The following ANKFN1 variants were observed in gnomAD, a reference collection of about 807,000 sequenced individuals.
ANKFN1 encodes the protein ankyrin repeat and fibronectin type III domain containing 1, also known as ankyrin repeat and fibronectin type-III domain-containing protein 1.
In ANKFN1, 74 loss-of-function variants were observed where a neutral mutation model predicts 108.7. The ratio of observed to expected loss-of-function variants is 0.68; its 90% CI spans 0.56 to 0.83. ANKFN1 has a LOEUF of 0.83. ANKFN1 is among the 40% of genes least tolerant of loss of function. The pLI is 0.00. For missense variants in ANKFN1, 1,505 were observed against 1,382.3 expected (o/e 1.09, Z -1.41); for synonymous variants, 547 against 516.2 (o/e 1.06, Z -0.81).
chr17:56,370,958 T>C (rs556048544), intron 6 of ANKFN1, among the ~76,000 whole-genome samples: 257 of 151,648 alleles, frequency 1.7e-3, no homozygotes, highest in African/African-American at 4.2e-3. Flanking sequence ...GTTTTTTTTT[T>C]CTCCAGAACC....
At chr17:56,248,721 G>A (rs995772477) in intron 3 of ANKFN1, among the ~76,000 whole-genome samples, 1 of 152,108 alleles carries the variant, frequency 6.6e-6, no homozygotes, top group Non-Finnish European at 1.5e-5. Context: ...TTGCTTCTAG[G>A]CTCTGAGAAT....
At chr17:56,095,198 CT>C (rs1367728526) in intron 4 of ANKFN1, among the ~76,000 whole-genome samples, 1 of 150,896 alleles carries the variant, frequency 6.6e-6, no homozygotes, top group African/African-American at 2.4e-5. Context: ...AAAAATAGGC[CT>C]TTTAAGAGCA....
intron 8 of ANKFN1, among the ~76,000 whole-genome samples, chr17:56,401,479 T>G (rs1274512052): frequency 3.3e-5 from 5 of 152,072 alleles, no homozygotes; most frequent in African/African-American, 1.2e-4. Context: ...GATTTGATTA[T>G]CTGCTTGGCT....
In ANKFN1 at chr17:56,188,579, GTGTATATATATATA is replaced by G. The variant is rs1252270038; in HGVS notation, c.-70-24017_-70-24004del. ...TGTGTGTGTATGTGTGTGTGTGTGT[GTGTATATATATATA>G]TATATATATATATATATATATATGA... On this transcript the variant is annotated intron_variant, in intron 1 of 20. Coordinates refer to ENST00000682825, the MANE Select transcript of ANKFN1 (RefSeq NM_001370326.1). Among the ~76,000 whole-genome samples the G allele has an allele frequency of 6.9e-4, 49 of 71,398 alleles. 1 individual carries two copies. Among genetic ancestry groups the G allele is most frequent in the African/African-American group, 3.5e-3 (47 of 13,260 alleles). The allele number at this position is 71,398 out of a possible 152,430, so 46.8% of individuals were successfully genotyped here. A position where few individuals can be genotyped will look rare whatever the true frequency, so the allele number is the denominator to read the frequency against.
At chr17:56,347,856 T>G (rs2046146988) in intron 4 of ANKFN1, among the ~76,000 whole-genome samples, 1 of 151,926 alleles carries the variant, frequency 6.6e-6, no homozygotes, top group Non-Finnish European at 1.5e-5. Context: ...TGTGGGTAGG[T>G]GTCATCAGTT....
chr17:56,076,400 T>C (rs571173938), intron 4 of ANKFN1, among the ~76,000 whole-genome samples: 69 of 152,360 alleles, frequency 4.5e-4, no homozygotes, highest in African/African-American at 1.5e-3. Context: ...AATCTGCTAG[T>C]TGAATTAATA....
intron 4 of ANKFN1, among the ~76,000 whole-genome samples, chr17:56,081,860 C>T (rs560160439): frequency 1.3e-5 from 2 of 152,250 alleles, no homozygotes; most frequent in Admixed American, 1.3e-4. Context: ...GTGGAATGCC[C>T]CTGGAAGGTC....
chr17:56,431,377 G>T (rs1025721554), intron 8 of ANKFN1, among the ~76,000 whole-genome samples: 1 of 152,164 alleles, frequency 6.6e-6, no homozygotes, highest in Non-Finnish European at 1.5e-5. Context: ...TTCATTAAAT[G>T]GTTTCTCCTC....
In ANKFN1 at chr17:56,350,879, C is replaced by T. The variant is rs755628674; in HGVS notation, c.302C>T (p.Ser101Phe). Reference sequence around the variant, plus strand: ...GCCAAACGCCTGTACAGGAACCTCTCTGAGAAACTGAAAGGGAGCCACTCT... The same window carrying T: ...GCCAAACGCCTGTACAGGAACCTCTTTGAGAAACTGAAAGGGAGCCACTCT... ...NAAKRLYRNL[S>F]EKLKGSHSSF... The change falls in exon 5 of 21, where the codon TCT (serine) becomes TTT (phenylalanine). Residue 101 changes from serine to phenylalanine, a missense_variant. Coordinates refer to ENST00000682825, the MANE Select transcript of ANKFN1 (RefSeq NM_001370326.1). The T allele has an allele frequency of 6.2e-7, 1 of 1,613,812 alleles. No individual in the cohort carries two copies. Among genetic ancestry groups the T allele is most frequent in the South Asian group, 1.1e-5 (1 of 91,072 alleles).
intron 3 of ANKFN1, among the ~76,000 whole-genome samples, chr17:56,292,074 A>C (rs992938323): frequency 6.6e-5 from 10 of 152,302 alleles, no homozygotes; most frequent in Non-Finnish European, 1.5e-4. Flanking sequence ...GCATCTCAGA[A>C]GGAGGAGATT....
rs201302558 is a variant in ANKFN1, at chr17:56,457,272, C to T, written c.1323C>T (p.Ala441=). ...TTCTTTTTAGGGGACTCTACATAGC[C>T]GTTATATTTTATTACAAAGACAATA... ...VKTLKRGLYI[A]VIFYYKDNIL... Residue 441 remains alanine, a synonymous_variant, in exon 13 of 21, where the codon GCC becomes GCT. Transcript: ENST00000682825. 370 of 1,590,454 alleles carry T rather than the reference C, an allele frequency of 2.3e-4. No homozygotes were observed. Among genetic ancestry groups the T allele is most frequent in the Non-Finnish European group, 3.1e-4 (361 of 1,169,152 alleles).
At chr17:56,364,307 A>G (rs1172447553) in intron 6 of ANKFN1, among the ~76,000 whole-genome samples, 1 of 152,194 alleles carries the variant, frequency 6.6e-6, no homozygotes, top group Non-Finnish European at 1.5e-5. Context: ...TCAAAGTCTT[A>G]GTACCAAAAA....
At chr17:56,454,640 A>T (rs1044113473) in intron 11 of ANKFN1, among the ~76,000 whole-genome samples, 1 of 152,142 alleles carries the variant, frequency 6.6e-6, no homozygotes, top group Non-Finnish European at 1.5e-5. Context: ...GATATCCCCA[A>T]TGTCAGAATC....
At chr17:56,284,070 A>G (rs1415520289) in intron 3 of ANKFN1, among the ~76,000 whole-genome samples, 1 of 152,214 alleles carries the variant, frequency 6.6e-6, no homozygotes, top group East Asian at 1.9e-4. Flanking sequence ...AATGCTCTGT[A>G]TGCTGGTATT....
At chr17:56,503,390 G>A (rs2145463996) in intron 20 of ANKFN1, among the ~76,000 whole-genome samples, 1 of 150,512 alleles carries the variant, frequency 6.6e-6, no homozygotes, top group East Asian at 1.9e-4. Flanking sequence ...AGGTTCTACT[G>A]AAGGCCTGAT....
Position 56,494,378 on chromosome 17 carries a change from T to C in ANKFN1, c.2427+2025T>C, listed in dbSNP as rs142378387. Among the ~76,000 whole-genome samples, 67 of 152,146 alleles carry C rather than the reference T, an allele frequency of 4.4e-4. No homozygotes were observed. The East Asian group carries it at 0.012, about 26-fold the overall frequency. On this transcript the variant is annotated intron_variant, in intron 19 of 20. Coordinates refer to ENST00000682825, the MANE Select transcript of ANKFN1 (RefSeq NM_001370326.1). ...GGAAGGGGTGGGAAAAGGAAGAGTG[T>C]AGCATGAGGAGAATACGAAAGACTG...
intron 4 of ANKFN1, among the ~76,000 whole-genome samples, chr17:56,109,726 A>T (rs1435058142): frequency 6.6e-6 from 1 of 152,240 alleles, no homozygotes; most frequent in Admixed American, 6.5e-5. Flanking sequence ...GAAGTACAGT[A>T]TTAATACAAA....
At position 56,200,906 on chromosome 17, in the gene ANKFN1, G is replaced by A. The variant is rs150937440; in HGVS notation, c.-70-11692G>A. On this transcript the variant is annotated intron_variant, in intron 1 of 20. Coordinates refer to ENST00000682825, the MANE Select transcript of ANKFN1 (RefSeq NM_001370326.1). ...AATAGTTAGTCATAGCGATGATCAA[G>A]GTCATCAGAAGATTCTGAAGCATTG... Among the ~76,000 whole-genome samples the A allele has an allele frequency of 1.7e-3, 261 of 152,276 alleles. 3 individuals carry two copies. Among genetic ancestry groups the A allele is most frequent in the African/African-American group, 6.0e-3 (251 of 41,548 alleles).
At chr17:56,419,483 CAAA>C (rs111608193) in intron 8 of ANKFN1, among the ~76,000 whole-genome samples, 5 of 118,690 alleles carry the variant, frequency 4.2e-5, no homozygotes, top group Non-Finnish European at 5.4e-5. Flanking sequence ...AACTCCATCT[CAAA>C]AAAAAAAAAA....
Sources: gnomAD v4.1 joint callset for allele counts (sites outside exome capture counted in the v4.1 genomes callset) on GRCh38, gnomAD v4.1.1 for gene constraint, MANE v1.5 for transcripts, NCBI Gene and HGNC (gene_info 2026-07-23, HGNC 2026-07-21) for gene names.